RBFOX1: variants seen among roughly 807,000 people sequenced by gnomAD.
The protein encoded by RBFOX1 is RNA binding fox-1 homolog 1, also known as RNA binding protein fox-1 homolog 1.
In RBFOX1, 8 loss-of-function variants were observed where a neutral mutation model predicts 57.7. That is an observed-to-expected ratio of 0.14 (90% CI 0.08 to 0.25). RBFOX1 has a LOEUF of 0.25. Among genes scored for constraint, RBFOX1 ranks in the 10% least tolerant of loss-of-function variants. The probability of loss-of-function intolerance (pLI) is 1.00; values close to 1 mark genes in which losing one functional copy is unlikely to be tolerated. For missense variants in RBFOX1, 611 were observed against 548.5 expected (o/e 1.11, Z -1.14); for synonymous variants, 326 against 222.4 (o/e 1.47, Z -4.15).
chr16:7,561,451 C>T (rs1469113022), intron 5 of RBFOX1, among the ~76,000 whole-genome samples: 3 of 152,226 alleles, frequency 2.0e-5, no homozygotes, highest in Non-Finnish European at 4.4e-5. Flanking sequence ...TACTCTCCTT[C>T]CCACCTGCCA....
At chr16:6,136,303 A>G (rs867763391) in intron 1 of RBFOX1, among the ~76,000 whole-genome samples, 1 of 151,928 alleles carries the variant, frequency 6.6e-6, no homozygotes, top group African/African-American at 2.4e-5. Flanking sequence ...TTTAGGCTTG[A>G]CTTTGCCTTT....
intron 4 of RBFOX1, among the ~76,000 whole-genome samples, chr16:5,939,356 T>G (rs1015905879): frequency 1.3e-5 from 2 of 152,256 alleles, no homozygotes; most frequent in African/African-American, 4.8e-5. Flanking sequence ...GGGAGCTGTT[T>G]AGAGAGGGCA....
At chr16:7,001,227 G>C (rs935082347) in intron 3 of RBFOX1, among the ~76,000 whole-genome samples, 14 of 152,114 alleles carry the variant, frequency 9.2e-5, no homozygotes, top group Middle Eastern at 3.4e-3. Flanking sequence ...TCTGTTGTTG[G>C]CCAGTGGGAA....
At chr16:5,552,499 A>C (rs1377752340) in intron 2 of RBFOX1, among the ~76,000 whole-genome samples, 1 of 152,218 alleles carries the variant, frequency 6.6e-6, no homozygotes, top group African/African-American at 2.4e-5. Flanking sequence ...AAGTTTAGTA[A>C]CTTACTTAAA....
intron 2 of RBFOX1, among the ~76,000 whole-genome samples, chr16:6,360,453 A>G (rs183133718): frequency 6.6e-6 from 1 of 152,288 alleles, no homozygotes; most frequent in Non-Finnish European, 1.5e-5. Flanking sequence ...TGGAAAAAAA[A>G]ATGTCCAAGT....
chr16:5,921,147 G>C (rs1158348381), intron 4 of RBFOX1, among the ~76,000 whole-genome samples: 2 of 152,320 alleles, frequency 1.3e-5, no homozygotes, highest in East Asian at 3.9e-4. Flanking sequence ...AGGCACCCCA[G>C]AGAATGCTAA....
At chr16:6,380,522 G>A (rs559369497) in intron 2 of RBFOX1, among the ~76,000 whole-genome samples, 1 of 148,766 alleles carries the variant, frequency 6.7e-6, no homozygotes, top group Admixed American at 6.8e-5. Flanking sequence ...GCACAGAAAG[G>A]AAGGTGAGTT....
At chr16:6,915,617 C>T (rs1205113386) in intron 3 of RBFOX1, among the ~76,000 whole-genome samples, 6 of 145,996 alleles carry the variant, frequency 4.1e-5, no homozygotes, top group Non-Finnish European at 8.9e-5. Flanking sequence ...GTGCCATGAT[C>T]TCAGGTCACT....
At chr16:7,352,143 A>C (rs957731528) in intron 4 of RBFOX1, among the ~76,000 whole-genome samples, 1 of 152,152 alleles carries the variant, frequency 6.6e-6, no homozygotes, top group African/African-American at 2.4e-5. Context: ...GAAACATACT[A>C]AAGGATCTCT....
At chr16:7,131,504 C>G (rs1305776000) in intron 4 of RBFOX1, among the ~76,000 whole-genome samples, 1 of 151,394 alleles carries the variant, frequency 6.6e-6, no homozygotes, top group African/African-American at 2.4e-5. Context: ...GAATGAGTAC[C>G]TGAAAGGATG....
intron 3 of RBFOX1, among the ~76,000 whole-genome samples, chr16:6,773,034 ATGGGGTGCATTTGTATTGGGCT>A (rs145952034): frequency 0.1 from 10,040 of 100,282 alleles, 416 homozygotes; most frequent in Admixed American, 0.16. Flanking sequence ...ATTTGTGGGC[ATGGGGTGCATTTGTATTGGGCT>A]TGGGGTGCAT....
In RBFOX1 at chr16:6,043,120, G is replaced by GAAAAAAAAAAAAAA. The variant is rs570358262; in HGVS notation, c.-127+23157_-127+23170dup. Among the ~76,000 whole-genome samples the GAAAAAAAAAAAAAA allele has an allele frequency of 6.5e-4, 46 of 70,236 alleles. 1 individual carries two copies. The highest frequency in any genetic ancestry group is 8.6e-4 in the Non-Finnish European group (33 of 38,238). 46.1% of individuals were successfully genotyped at this position (70,236 alleles called of 152,430 possible). A position where few individuals can be genotyped will look rare whatever the true frequency, so the allele number is the denominator to read the frequency against. On this transcript the variant is annotated intron_variant, in intron 1 of 15. Transcript: ENST00000550418. ...GCGACAGAGCAAGATTGTGTTTCCA[G>GAAAAAAAAAAAAAA]AAAAAAAAAAAAAAAAAAAAAAAAA... is the stretch of plus-strand genomic sequence containing the variant.
At chr16:5,412,312 C>T (rs1432817986) in intron 1 of RBFOX1, among the ~76,000 whole-genome samples, 2 of 152,190 alleles carry the variant, frequency 1.3e-5, no homozygotes, top group Admixed American at 6.5e-5. Context: ...GAAACAACAC[C>T]TGTAAAACTC....
At chr16:7,177,869 G>A (rs1237495844) in intron 4 of RBFOX1, among the ~76,000 whole-genome samples, 1 of 152,194 alleles carries the variant, frequency 6.6e-6, no homozygotes, top group Non-Finnish European at 1.5e-5. Flanking sequence ...AAAGCAGACA[G>A]GATTTGGCCT....
intron 1 of RBFOX1, among the ~76,000 whole-genome samples, chr16:6,252,883 C>G (rs908126886): frequency 1.3e-5 from 2 of 151,978 alleles, no homozygotes; most frequent in African/African-American, 2.4e-5. Context: ...ATCTAGATGG[C>G]TAATAATAGA....
At chr16:7,011,680 A>AT (rs1568362490) in intron 3 of RBFOX1, among the ~76,000 whole-genome samples, 2 of 152,018 alleles carry the variant, frequency 1.3e-5, no homozygotes, top group Admixed American at 6.6e-5. Context: ...TGCTCGGCTA[A>AT]TTTTTTGTAT....
intron 1 of RBFOX1, among the ~76,000 whole-genome samples, chr16:6,286,428 T>C (rs2076913975): frequency 1.3e-5 from 2 of 152,254 alleles, no homozygotes; most frequent in Admixed American, 1.3e-4. Flanking sequence ...CTACCTTGGC[T>C]GAGTTGCTCA....
At chr16:5,563,359 A>G (rs982231907) in intron 2 of RBFOX1, among the ~76,000 whole-genome samples, 1 of 152,204 alleles carries the variant, frequency 6.6e-6, no homozygotes, top group African/African-American at 2.4e-5. Flanking sequence ...TCCAAATATA[A>G]AGCGAAGGAG....
intron 4 of RBFOX1, among the ~76,000 whole-genome samples, chr16:7,133,635 C>G (rs2071115460): frequency 6.6e-6 from 1 of 152,032 alleles, no homozygotes; most frequent in South Asian, 2.1e-4. Context: ...TGAAAGTAAC[C>G]TTGTAGAGCT....
Sources: gnomAD v4.1 joint callset for allele counts (sites outside exome capture counted in the v4.1 genomes callset) on GRCh38, gnomAD v4.1.1 for gene constraint, MANE v1.5 for transcripts, NCBI Gene and HGNC (gene_info 2026-07-23, HGNC 2026-07-21) for gene names.